Variants in LYRM4 observed in about 807,000 individuals in gnomAD.
LYRM4 encodes LYR motif-containing protein 4.
LYRM4 carries 9 observed loss-of-function variants against 11.7 expected under a neutral mutation model. That is an observed-to-expected ratio of 0.77 (90% CI 0.46 to 1.34). LYRM4 has a LOEUF of 1.34. LYRM4 is among the 40% of genes most tolerant of loss of function. LYRM4 has a pLI of 0.00. For synonymous variants in LYRM4, 42 were observed against 40.4 expected, an observed-to-expected ratio of 1.04 and a Z score of -0.15; for missense variants, 133 against 112.5, an observed-to-expected ratio of 1.18 and a Z score of -0.82.
At chr6:5,056,474 T>C in the LYRM4 span, among the ~76,000 whole-genome samples, 8 of 152,340 alleles carry the variant, frequency 5.3e-5, no homozygotes, top group Non-Finnish European at 1.5e-5. Context: ...AGTCAGTTTA[T>C]CTTGCACTTT....
chr6:5,227,913 C>T lies in LYRM4; in HGVS notation c.87-11175G>A, dbSNP rs148132674. On this transcript the variant is annotated intron_variant, in intron 1 of 2. Coordinates refer to ENST00000330636, the MANE Select transcript of LYRM4 (RefSeq NM_020408.6). ...AAACCAAACACCACATGTTCGCACT[C>T]GTAAGTGGGAGCTGAACAATGAGAA... is the stretch of plus-strand genomic sequence containing the variant. 4.4e-3 allele frequency among the ~76,000 whole-genome samples: 672 copies of T among 152,240 alleles called. 3 individuals carry two copies. Among genetic ancestry groups the T allele is most frequent in the African/African-American group, 0.015 (642 of 41,526 alleles).
At chr6:5,101,535 C>G (rs555017519), downstream of LYRM4, among the ~76,000 whole-genome samples, 50 of 152,304 alleles carry the variant, frequency 3.3e-4, no homozygotes, top group African/African-American at 1.1e-3. Flanking sequence ...TGCTCAGGAT[C>G]TCACCACCAG....
chr6:5,040,233 G>T, the LYRM4 span, among the ~76,000 whole-genome samples: 1 of 151,920 alleles, frequency 6.6e-6, no homozygotes, highest in Non-Finnish European at 1.5e-5. Context: ...TGGGAGGATT[G>T]CTTGAGCTCG....
chr6:5,103,924 C>T (rs997032053), downstream of LYRM4: 2 of 150,792 alleles, frequency 1.3e-5, no homozygotes, highest in African/African-American at 2.4e-5. Flanking sequence ...GTGTGAGCCA[C>T]CACACCTGGA....
chr6:5,120,732 CTCA>C (rs1763413437), intron 2 of LYRM4, among the ~76,000 whole-genome samples: 1 of 152,100 alleles, frequency 6.6e-6, no homozygotes, highest in Admixed American at 6.5e-5. Flanking sequence ...TCTAGCTAGC[CTCA>C]GAGCGCTGAT....
intron 2 of LYRM4, among the ~76,000 whole-genome samples, chr6:5,154,582 C>T (rs575697741): frequency 2.0e-3 from 311 of 152,244 alleles, no homozygotes; most frequent in African/African-American, 7.2e-3. Flanking sequence ...TTTGGGAGGC[C>T]AAGGTGGGCA....
intron 2 of LYRM4, among the ~76,000 whole-genome samples, chr6:5,166,092 A>T (rs537320929): frequency 2.0e-5 from 3 of 152,376 alleles, no homozygotes; most frequent in African/African-American, 7.2e-5. Flanking sequence ...GACACATGAG[A>T]ATAGCAAGTG....
At chr6:5,214,822 G>A (rs1004714106) in intron 2 of LYRM4, among the ~76,000 whole-genome samples, 1 of 152,226 alleles carries the variant, frequency 6.6e-6, no homozygotes. Flanking sequence ...CCCAGCTGCT[G>A]CTGTCTAACT....
chr6:5,203,843 A>G (rs1761536664), intron 2 of LYRM4, among the ~76,000 whole-genome samples: 2 of 152,212 alleles, frequency 1.3e-5, no homozygotes, highest in African/African-American at 2.4e-5. Context: ...CTTTCCGCAC[A>G]CTTATGGGGC....
At position 5,109,391 on chromosome 6, in the gene LYRM4, C is replaced by G; in HGVS notation, c.*32G>C. On this transcript the variant is annotated 3_prime_UTR_variant, in exon 3 of 3. Transcript: ENST00000330636. ...AGAGAGTGGATGCTGAAGGTGGTCC[C>G]TGGCCGCCACTGGTGGCTGGTCCCC... 1 of 1,613,578 alleles carries G rather than the reference C, an allele frequency of 6.2e-7. No homozygotes were observed. The highest frequency in any genetic ancestry group is 8.5e-7 in the Non-Finnish European group (1 of 1,179,656).
chr6:5,105,705 T>A (rs534473318), downstream of LYRM4: 1 of 152,574 alleles, frequency 6.6e-6, no homozygotes, highest in African/African-American at 2.4e-5. Context: ...TCCCAGCTAC[T>A]CAGGAGGCTG....
chr6:5,170,273 G>A lies in LYRM4; in HGVS notation c.207+46345C>T, dbSNP rs888883094. ...GGAATTAGCATACTGACCTATATAC[G>A]AAAACCAATCATTAGGAAATAGCTA... On this transcript the variant is annotated intron_variant, in intron 2 of 2. Coordinates refer to ENST00000330636, the MANE Select transcript of LYRM4 (RefSeq NM_020408.6). Among the ~76,000 whole-genome samples the A allele has an allele frequency of 6.6e-5, 10 of 152,188 alleles. No homozygotes were observed. In the South Asian group the frequency reaches 1.0e-3, roughly 16 times the overall value.
intron 1 of LYRM4, chr6:5,236,158 A>G (rs1763526567): frequency 1.3e-5 from 2 of 152,168 alleles, no homozygotes; most frequent in African/African-American, 4.8e-5. Context: ...AGCTCAAAAT[A>G]TTACATTATT....
At chr6:5,132,410 T>TA (rs1165652411) in intron 2 of LYRM4, among the ~76,000 whole-genome samples, 2 of 150,622 alleles carry the variant, frequency 1.3e-5, no homozygotes, top group Non-Finnish European at 3.0e-5. Context: ...ATCTAGCACT[T>TA]AAAAAAAACA....
chr6:5,155,782 A>G (rs999769870), intron 2 of LYRM4, among the ~76,000 whole-genome samples: 2 of 152,202 alleles, frequency 1.3e-5, no homozygotes, highest in African/African-American at 4.8e-5. Context: ...AGCACTTAGG[A>G]AAGTTTAAGG....
intron 2 of LYRM4, among the ~76,000 whole-genome samples, chr6:5,135,760 AAACAC>A (rs1757059886): frequency 6.6e-6 from 1 of 152,190 alleles, no homozygotes; most frequent in Non-Finnish European, 1.5e-5. Flanking sequence ...TAAATACACA[AAACAC>A]AACATTTATC....
chr6:5,158,110 AAATGTAT>A lies in LYRM4; in HGVS notation c.208-48626_208-48620del, dbSNP rs527785280. On this transcript the variant is annotated intron_variant, in intron 2 of 2. Coordinates refer to ENST00000330636, the MANE Select transcript of LYRM4 (RefSeq NM_020408.6). ...GGAAGAAAAATAGCTCCCACCACCC[AAATGTAT>A]AATGTATATGTCTGTGCGTGTGTGT... Among the ~76,000 whole-genome samples, 836 of 152,358 alleles carry A rather than the reference AAATGTAT, an allele frequency of 5.5e-3. 4 individuals carry two copies. The highest frequency in any genetic ancestry group is 8.8e-3 in the Non-Finnish European group (600 of 68,030).
chr6:5,258,267 C>T (rs1156841610), intron 1 of LYRM4, among the ~76,000 whole-genome samples: 3 of 152,216 alleles, frequency 2.0e-5, no homozygotes, highest in African/African-American at 7.2e-5. Flanking sequence ...TTTCACTACT[C>T]TAATTACTTA....
chr6:5,078,904 A>G, the LYRM4 span, among the ~76,000 whole-genome samples: 1 of 152,236 alleles, frequency 6.6e-6, no homozygotes. Flanking sequence ...AATTATTTCT[A>G]AAATGCTTTT....
Sources: allele counts gnomAD v4.1 joint callset (sites outside exome capture counted in the v4.1 genomes callset), GRCh38; gene constraint gnomAD v4.1.1; transcripts MANE v1.5; gene names NCBI Gene and HGNC (gene_info 2026-07-23, HGNC 2026-07-21).